The following NTNG1 variants were observed in gnomAD, a reference collection of about 807,000 sequenced individuals.
NTNG1 encodes the protein netrin G1.
In NTNG1, 16 loss-of-function variants were observed where a neutral mutation model predicts 54.0. The observed-to-expected ratio is 0.30, with a 90% CI of 0.20 to 0.45. The LOEUF (loss-of-function observed/expected upper bound fraction) is 0.45. Among genes scored for constraint, NTNG1 ranks in the 20% least tolerant of loss-of-function variants. The probability of loss-of-function intolerance (pLI) is 1.00; values close to 1 mark genes in which losing one functional copy is unlikely to be tolerated. For missense variants in NTNG1, 530 were observed against 678.7 expected (o/e 0.78, Z 2.43); for synonymous variants, 255 against 263.1 (o/e 0.97, Z 0.30).
intron 2 of NTNG1, among the ~76,000 whole-genome samples, chr1:107,255,282 CG>C (rs1409288621): frequency 1.3e-5 from 2 of 152,128 alleles, no homozygotes; most frequent in African/African-American, 4.8e-5. Context: ...TATTAAACAT[CG>C]TAACCATCAT....
At chr1:107,468,123 AT>A in intron 7 of NTNG1, among the ~76,000 whole-genome samples, 2 of 152,302 alleles carry the variant, frequency 1.3e-5, no homozygotes, top group East Asian at 3.9e-4. Flanking sequence ...GGAAAAAAAA[AT>A]CATTAAGAAA....
chr1:107,471,030 G>A (rs982494745), intron 7 of NTNG1, among the ~76,000 whole-genome samples: 3 of 152,172 alleles, frequency 2.0e-5, no homozygotes, highest in African/African-American at 4.8e-5. Context: ...CTGCAGAATG[G>A]TCTCCTTCTA....
At chr1:107,361,300 AT>A (rs1314756849) in intron 3 of NTNG1, among the ~76,000 whole-genome samples, 4 of 143,764 alleles carry the variant, frequency 2.8e-5, no homozygotes, top group Non-Finnish European at 6.1e-5. Flanking sequence ...TTATATAAAA[AT>A]ATATAACATA....
At chr1:107,300,240 C>G (rs1666240373) in intron 2 of NTNG1, among the ~76,000 whole-genome samples, 2 of 152,148 alleles carry the variant, frequency 1.3e-5, no homozygotes, top group Non-Finnish European at 2.9e-5. Flanking sequence ...TGAATTTTGC[C>G]TATAGATGTG....
At chr1:107,227,793 C>G (rs1426281317) in intron 2 of NTNG1, among the ~76,000 whole-genome samples, 1 of 151,922 alleles carries the variant, frequency 6.6e-6, no homozygotes, top group Non-Finnish European at 1.5e-5. Context: ...TACTTGACTT[C>G]TTAGATATAC....
chr1:107,416,303 A>T (rs1226998340), intron 5 of NTNG1, among the ~76,000 whole-genome samples: 1 of 152,136 alleles, frequency 6.6e-6, no homozygotes, highest in East Asian at 1.9e-4. Flanking sequence ...CTACATAATG[A>T]AAATTATTTG....
At chr1:107,444,942 G>T (rs924838909) in intron 7 of NTNG1, among the ~76,000 whole-genome samples, 2 of 152,116 alleles carry the variant, frequency 1.3e-5, no homozygotes, top group Admixed American at 6.6e-5. Context: ...GAGTGTATGT[G>T]TGAGTGTGTA....
intron 7 of NTNG1, among the ~76,000 whole-genome samples, chr1:107,477,475 C>T (rs77486948): frequency 0.015 from 2,222 of 152,252 alleles, 64 homozygotes; most frequent in African/African-American, 0.051. Flanking sequence ...AGAGTTCTGG[C>T]CTCAACATCA....
At chr1:107,157,379 C>A (rs896210083) in intron 2 of NTNG1, among the ~76,000 whole-genome samples, 1 of 152,086 alleles carries the variant, frequency 6.6e-6, no homozygotes. Flanking sequence ...TTGGTGTTGT[C>A]AAATTGTCCA....
chr1:107,433,213 T>C (rs1675381875), intron 6 of NTNG1, among the ~76,000 whole-genome samples: 1 of 152,206 alleles, frequency 6.6e-6, no homozygotes. Flanking sequence ...AAGTACTTGG[T>C]GAACACAAAG....
At chr1:107,446,880 T>C (rs1218754928) in intron 7 of NTNG1, among the ~76,000 whole-genome samples, 2 of 152,116 alleles carry the variant, frequency 1.3e-5, no homozygotes, top group African/African-American at 4.8e-5. Flanking sequence ...AGGCACATAC[T>C]GTATGCTCAT....
chr1:107,179,645 T>C (rs1172603443), intron 2 of NTNG1, among the ~76,000 whole-genome samples: 1 of 152,150 alleles, frequency 6.6e-6, no homozygotes, highest in African/African-American at 2.4e-5. Flanking sequence ...GTTACACAGG[T>C]AAACTTGTGT....
rs1678817141 is a variant in NTNG1, at chr1:107,482,951, G to T, written c.*2111G>T. 6.6e-6 allele frequency: 1 copy of T among 152,198 alleles called. No individual in the cohort carries two copies. Among genetic ancestry groups the T allele is most frequent in the Non-Finnish European group, 1.5e-5 (1 of 68,026 alleles). The allele number at this position is 152,198 out of a possible 1,614,324, so 9.4% of individuals were successfully genotyped here. A position where few individuals can be genotyped will look rare whatever the true frequency, so the allele number is the denominator to read the frequency against. On this transcript the variant is annotated 3_prime_UTR_variant, in exon 8 of 8. Coordinates refer to ENST00000370068, the MANE Select transcript of NTNG1 (RefSeq NM_001113226.3). ...TCTTTTGATGTAAGAAATAAGGAAA[G>T]ATGGAAATAAATTAGAGCTTAGGCT... is the stretch of plus-strand genomic sequence containing the variant.
At chr1:107,277,506 G>C (rs1370101849) in intron 2 of NTNG1, among the ~76,000 whole-genome samples, 1 of 152,140 alleles carries the variant, frequency 6.6e-6, no homozygotes, top group Non-Finnish European at 1.5e-5. Context: ...AGAATCCTAG[G>C]TAAGCTTCAA....
chr1:107,276,537 T>C (rs563507132), intron 2 of NTNG1, among the ~76,000 whole-genome samples: 1 of 152,092 alleles, frequency 6.6e-6, no homozygotes, highest in Non-Finnish European at 1.5e-5. Flanking sequence ...GCCTTTCTCA[T>C]GTGGAAGAAT....
chr1:107,387,440 A>G (rs1672081434), intron 3 of NTNG1, among the ~76,000 whole-genome samples: 2 of 152,218 alleles, frequency 1.3e-5, no homozygotes, highest in African/African-American at 2.4e-5. Context: ...CATCTAAGTC[A>G]TGTGAAATCT....
rs1678782034 is a variant in NTNG1, at chr1:107,482,361, A to G, written c.*1521A>G. 3 of 152,262 alleles carry G rather than the reference A, an allele frequency of 2.0e-5. No homozygotes were observed. Among genetic ancestry groups the G allele is most frequent in the Admixed American group, 2.0e-4 (3 of 15,294 alleles). The allele number at this position is 152,262 out of a possible 1,614,324, so 9.4% of individuals were successfully genotyped here. A position where few individuals can be genotyped will look rare whatever the true frequency, so the allele number is the denominator to read the frequency against. On this transcript the variant is annotated 3_prime_UTR_variant, in exon 8 of 8. Coordinates refer to ENST00000370068, the MANE Select transcript of NTNG1 (RefSeq NM_001113226.3). ...TATCAAAATATAAAGCAGCAAGTAG[A>G]CATAACTGCTGTTCCTGAGAATAAA...
At chr1:107,448,807 A>G (rs1222638143) in intron 7 of NTNG1, among the ~76,000 whole-genome samples, 1 of 152,122 alleles carries the variant, frequency 6.6e-6, no homozygotes, top group Non-Finnish European at 1.5e-5. Flanking sequence ...TATTAAAATA[A>G]GAAAAACCAT....
intron 3 of NTNG1, among the ~76,000 whole-genome samples, chr1:107,355,869 T>C (rs1669905817): frequency 6.6e-6 from 1 of 152,202 alleles, no homozygotes; most frequent in Non-Finnish European, 1.5e-5. Context: ...AGTAATGCTC[T>C]GGTTTTATTG....
Sources: allele counts gnomAD v4.1 joint callset (sites outside exome capture counted in the v4.1 genomes callset), GRCh38; gene constraint gnomAD v4.1.1; transcripts MANE v1.5; gene names NCBI Gene and HGNC (gene_info 2026-07-23, HGNC 2026-07-21).